Variants in FGD4 observed in about 807,000 individuals in gnomAD.
FGD4 encodes FYVE, RhoGEF and PH domain containing 4, also known as FYVE, RhoGEF and PH domain-containing protein 4.
FGD4 carries 42 observed loss-of-function variants against 102.0 expected under a neutral mutation model. The observed-to-expected ratio is 0.41, with a 90% CI of 0.32 to 0.53. FGD4 has a LOEUF of 0.53. Ranked by LOEUF, FGD4 falls within the 20% of genes least tolerant of loss-of-function variation. The pLI is 0.21. For synonymous variants in FGD4, 380 were observed against 375.7 expected (o/e 1.01, Z -0.13); for missense variants, 902 against 1,078.2 (o/e 0.84, Z 2.29).
At chr12:32,591,313 AG>A (rs1947456982) in intron 4 of FGD4, among the ~76,000 whole-genome samples, 1 of 152,236 alleles carries the variant, frequency 6.6e-6, no homozygotes, top group African/African-American at 2.4e-5. Flanking sequence ...TCTAATAAGT[AG>A]ATAGGAAAAG....
intron 4 of FGD4, among the ~76,000 whole-genome samples, chr12:32,588,212 A>C (rs1034450987): frequency 3.9e-5 from 6 of 152,250 alleles, no homozygotes; most frequent in African/African-American, 1.4e-4. Context: ...TTGATAGCTA[A>C]CTAGCTGTAT....
At chr12:32,575,767 A>G (rs951498704) in intron 2 of FGD4, among the ~76,000 whole-genome samples, 1 of 152,246 alleles carries the variant, frequency 6.6e-6, no homozygotes, top group Non-Finnish European at 1.5e-5. Flanking sequence ...AAGATGCTAT[A>G]TTAATGCAAC....
chr12:32,537,881 A>G (rs901497597), intron 1 of FGD4, among the ~76,000 whole-genome samples: 37 of 152,072 alleles, frequency 2.4e-4, no homozygotes, highest in Middle Eastern at 3.4e-3. Flanking sequence ...CTTTCGTTAT[A>G]GCAGTTTTTT....
At chr12:32,528,007 C>T (rs1394026922) in intron 1 of FGD4, among the ~76,000 whole-genome samples, 2 of 152,010 alleles carry the variant, frequency 1.3e-5, no homozygotes, top group African/African-American at 2.4e-5. Flanking sequence ...CTCTGTCACC[C>T]ACGCTGAAGT....
At chr12:32,605,092 C>T (rs1948689316) in intron 7 of FGD4, among the ~76,000 whole-genome samples, 1 of 151,982 alleles carries the variant, frequency 6.6e-6, no homozygotes, top group Non-Finnish European at 1.5e-5. Flanking sequence ...GTACATGCCA[C>T]TACACCTGGT....
Position 32,600,502 on chromosome 12 carries a change from A to G in FGD4, c.1102-776A>G, listed in dbSNP as rs1261392990. 4.8e-6 allele frequency: 6 copies of G among 1,255,496 alleles called. No individual in the cohort carries two copies. In the African/African-American group the frequency reaches 7.9e-5, roughly 16 times the overall value. 77.8% of individuals were successfully genotyped at this position (1,255,496 alleles called of 1,614,324 possible). A position where few individuals can be genotyped will look rare whatever the true frequency, so the allele number is the denominator to read the frequency against. ...TCTGCCTACATGTAACAGAATGGCA[A>G]TTAAGAGGTATAGTAGCCCTAGTGA... is the stretch of plus-strand genomic sequence containing the variant. On this transcript the variant is annotated intron_variant, in intron 5 of 16. Coordinates refer to ENST00000534526, the MANE Select transcript of FGD4 (RefSeq NM_001370298.3).
At chr12:32,473,545 G>A (rs533295149) in intron 1 of FGD4, among the ~76,000 whole-genome samples, 19 of 152,066 alleles carry the variant, frequency 1.2e-4, no homozygotes, top group African/African-American at 4.6e-4. Flanking sequence ...CTGAACATCA[G>A]AAGGGACAGA....
intron 1 of FGD4, among the ~76,000 whole-genome samples, chr12:32,458,082 A>G (rs1420746526): frequency 6.6e-6 from 1 of 151,952 alleles, no homozygotes; most frequent in Non-Finnish European, 1.5e-5. Context: ...ACAGGTACAA[A>G]TGAATACAGA....
intron 8 of FGD4, among the ~76,000 whole-genome samples, chr12:32,610,123 C>A (rs185237955): frequency 6.0e-4 from 92 of 152,348 alleles, no homozygotes; most frequent in Middle Eastern, 3.4e-3. Flanking sequence ...AAAATACTTA[C>A]TACTCATGAA....
chr12:32,478,926 G>A (rs1436449134), intron 1 of FGD4, among the ~76,000 whole-genome samples: 5 of 152,132 alleles, frequency 3.3e-5, no homozygotes, highest in South Asian at 2.1e-4. Context: ...TCCATGGCAC[G>A]ATACCATTAC....
chr12:32,462,856 A>C (rs1048560308), intron 1 of FGD4, among the ~76,000 whole-genome samples: 5 of 152,230 alleles, frequency 3.3e-5, no homozygotes, highest in Non-Finnish European at 5.9e-5. Context: ...CCGTAATATA[A>C]AAGCAGTGAG....
At chr12:32,476,911 G>C (rs7138653) in intron 1 of FGD4, among the ~76,000 whole-genome samples, 56,838 of 152,012 alleles carry the variant, frequency 0.37, 11,524 homozygotes, top group South Asian at 0.51. Context: ...TGTAATCTGT[G>C]AGCTGTTTTT....
chr12:32,563,764 C>G (rs879242522), intron 1 of FGD4, among the ~76,000 whole-genome samples: 2 of 152,140 alleles, frequency 1.3e-5, no homozygotes, highest in Non-Finnish European at 2.9e-5. Context: ...CTCGGGAGGC[C>G]GAGGCTGGCG....
At chr12:32,420,597 G>A (rs1036560356) in intron 1 of FGD4, among the ~76,000 whole-genome samples, 1 of 152,092 alleles carries the variant, frequency 6.6e-6, no homozygotes, top group Non-Finnish European at 1.5e-5. Context: ...CTCAAGTGAC[G>A]GTTGTTCATC....
intron 1 of FGD4, among the ~76,000 whole-genome samples, chr12:32,535,524 C>T (rs1942170843): frequency 6.6e-6 from 1 of 152,180 alleles, no homozygotes; most frequent in Admixed American, 6.5e-5. Flanking sequence ...CCCCTGCTCC[C>T]TCCATCACTC....
chr12:32,562,965 G>T, intron 1 of FGD4, among the ~76,000 whole-genome samples: 1 of 152,070 alleles, frequency 6.6e-6, no homozygotes, highest in Non-Finnish European at 1.5e-5. Context: ...GGGCAGAGGG[G>T]CTTCTCACAT....
At chr12:32,612,651 T>C (rs552743579) in intron 10 of FGD4, among the ~76,000 whole-genome samples, 2 of 152,374 alleles carry the variant, frequency 1.3e-5, no homozygotes, top group East Asian at 3.9e-4. Context: ...TACCATTTCC[T>C]GGATATTTTG....
chr12:32,486,020 C>A, intron 1 of FGD4: 1 of 1,457,952 alleles, frequency 6.9e-7, no homozygotes. Context: ...TGTCTAGTGT[C>A]TAAATACAGA....
At chr12:32,583,635 G>A (rs1946786645) in intron 4 of FGD4, among the ~76,000 whole-genome samples, 1 of 152,202 alleles carries the variant, frequency 6.6e-6, no homozygotes, top group Non-Finnish European at 1.5e-5. Flanking sequence ...GAACTGCCTG[G>A]ATGGGGTTTC....
Sources: gnomAD v4.1 joint callset for allele counts (sites outside exome capture counted in the v4.1 genomes callset) on GRCh38, gnomAD v4.1.1 for gene constraint, MANE v1.5 for transcripts, NCBI Gene and HGNC (gene_info 2026-07-23, HGNC 2026-07-21) for gene names.